The following NAALADL2 variants were observed in gnomAD, a reference collection of about 807,000 sequenced individuals.
NAALADL2 encodes inactive N-acetylated-alpha-linked acidic dipeptidase-like protein 2.
In NAALADL2, 76 loss-of-function variants were observed where a neutral mutation model predicts 87.2. That is an observed-to-expected ratio of 0.87 (90% CI 0.72 to 1.05). The LOEUF is 1.05. Among genes scored for constraint, NAALADL2 ranks in the 50% least tolerant of loss-of-function variants. The probability of loss-of-function intolerance (pLI) is 0.00; values close to 1 mark genes in which losing one functional copy is unlikely to be tolerated. For missense variants in NAALADL2, 1,089 were observed against 945.8 expected, an observed-to-expected ratio of 1.15 and a Z score of -1.99; for synonymous variants, 354 against 331.0, an observed-to-expected ratio of 1.07 and a Z score of -0.75.
At position 174,920,451 on chromosome 3, in the gene NAALADL2, T is replaced by G. The variant is rs146562079; in HGVS notation, c.43+61001T>G. 2.6e-5 allele frequency among the ~76,000 whole-genome samples: 4 copies of G among 152,342 alleles called. No homozygotes were observed. In the East Asian group the frequency reaches 7.7e-4, roughly 29 times the overall value. ...TTTTGTTAAATCTCATGAGCTAACC[T>G]CTACTAGCTTCCAGCTTTTCTTCTG... On this transcript the variant is annotated intron_variant, in intron 1 of 13. Coordinates refer to ENST00000454872, the MANE Select transcript of NAALADL2 (RefSeq NM_207015.3).
chr3:174,657,041 CTTTTTTTTT>C (rs60569510), intron 2 of NAALADL2, among the ~76,000 whole-genome samples: 1 of 115,818 alleles, frequency 8.6e-6, no homozygotes, highest in Non-Finnish European at 1.7e-5. Flanking sequence ...TTTCCTTCTT[CTTTTTTTTT>C]TTTTTTTTTT....
chr3:175,194,125 CAT>C (rs1281981904), intron 2 of NAALADL2, among the ~76,000 whole-genome samples: 1 of 151,770 alleles, frequency 6.6e-6, no homozygotes, highest in Non-Finnish European at 1.5e-5. Flanking sequence ...TTTAATACCT[CAT>C]GTTATAGAAG....
chr3:175,142,310 G>A (rs1359177461), intron 2 of NAALADL2, among the ~76,000 whole-genome samples: 2 of 151,854 alleles, frequency 1.3e-5, no homozygotes, highest in African/African-American at 4.8e-5. Flanking sequence ...ATAATTATGT[G>A]GAACCTTTGA....
chr3:174,536,932 T>A (rs1019671808), intron 1 of NAALADL2, among the ~76,000 whole-genome samples: 1 of 152,194 alleles, frequency 6.6e-6, no homozygotes, highest in African/African-American at 2.4e-5. Flanking sequence ...TTAACAATAA[T>A]GCAAATAACA....
chr3:175,144,473 A>G (rs982478915), intron 2 of NAALADL2, among the ~76,000 whole-genome samples: 2 of 151,994 alleles, frequency 1.3e-5, no homozygotes, highest in Non-Finnish European at 2.9e-5. Context: ...TGATTACAAA[A>G]GTAATACAGT....
intron 10 of NAALADL2, among the ~76,000 whole-genome samples, chr3:175,619,030 C>G (rs1725773367): frequency 6.6e-6 from 1 of 152,070 alleles, no homozygotes; most frequent in South Asian, 2.1e-4. Context: ...CAGACTGAAC[C>G]TTGGAATAGA....
chr3:175,316,428 G>T (rs528431067), intron 4 of NAALADL2, among the ~76,000 whole-genome samples: 1 of 152,222 alleles, frequency 6.6e-6, no homozygotes, highest in Admixed American at 6.5e-5. Context: ...CGTTGAGCAT[G>T]GCAAAGGACC....
intron 4 of NAALADL2, among the ~76,000 whole-genome samples, chr3:175,298,880 G>A (rs1459144560): frequency 7.2e-5 from 11 of 152,024 alleles, no homozygotes; most frequent in Admixed American, 4.6e-4. Flanking sequence ...TTATCCTTTG[G>A]TTAAATCTTT....
chr3:175,684,400 A>G (rs1735995738), intron 11 of NAALADL2, among the ~76,000 whole-genome samples: 1 of 152,204 alleles, frequency 6.6e-6, no homozygotes, highest in Non-Finnish European at 1.5e-5. Flanking sequence ...TTATATTTGT[A>G]AAGTGATCAT....
Position 175,530,142 on chromosome 3 carries a change from G to A in NAALADL2, c.1654-45899G>A, listed in dbSNP as rs568380806. 3.3e-5 allele frequency among the ~76,000 whole-genome samples: 5 copies of A among 152,244 alleles called. No individual in the cohort carries two copies. In the South Asian group the frequency reaches 1.0e-3, roughly 32 times the overall value. On this transcript the variant is annotated intron_variant, in intron 9 of 13. Transcript: ENST00000454872. ...CATGGGCCCATCGGGCGATGACAGG[G>A]GTGGCTGGGGAAAGAGGCTGAGTGG...
chr3:174,503,413 AT>A (rs1311911035), intron 1 of NAALADL2, among the ~76,000 whole-genome samples: 3 of 152,118 alleles, frequency 2.0e-5, no homozygotes, highest in Non-Finnish European at 4.4e-5. Flanking sequence ...CAACACAAAA[AT>A]TTTTTTAAAA....
At chr3:174,929,789 C>T (rs1380235139) in intron 1 of NAALADL2, among the ~76,000 whole-genome samples, 1 of 152,222 alleles carries the variant, frequency 6.6e-6, no homozygotes, top group South Asian at 2.1e-4. Flanking sequence ...AAGTTGGACT[C>T]TTCTCCCTGT....
At chr3:175,210,112 G>T (rs987893718) in intron 2 of NAALADL2, among the ~76,000 whole-genome samples, 22 of 151,796 alleles carry the variant, frequency 1.4e-4, no homozygotes, top group African/African-American at 4.8e-4. Context: ...CTTTCAAACT[G>T]CCAAGAAAAA....
Position 175,524,716 on chromosome 3 carries a change from C to T in NAALADL2, c.1654-51325C>T, listed in dbSNP as rs191184961. Among the ~76,000 whole-genome samples the T allele has an allele frequency of 2.6e-5, 4 of 152,186 alleles. No individual in the cohort carries two copies. The East Asian group carries it at 7.7e-4, about 29-fold the overall frequency. Reference sequence around the variant, plus strand: ...CCAAAAATTTGTAACACTTATTGTGCTAGCAGACACTGAAGATATAAACAT... The same window carrying T: ...CCAAAAATTTGTAACACTTATTGTGTTAGCAGACACTGAAGATATAAACAT... On this transcript the variant is annotated intron_variant, in intron 9 of 13. Coordinates refer to ENST00000454872, the MANE Select transcript of NAALADL2 (RefSeq NM_207015.3).
At chr3:175,603,543 A>T (rs1390696259) in intron 10 of NAALADL2, among the ~76,000 whole-genome samples, 1 of 152,126 alleles carries the variant, frequency 6.6e-6, no homozygotes, top group Non-Finnish European at 1.5e-5. Flanking sequence ...TATTCCAGGT[A>T]CCTCATGTAA....
intron 11 of NAALADL2, among the ~76,000 whole-genome samples, chr3:175,630,325 T>C (rs1727584950): frequency 6.6e-6 from 1 of 151,840 alleles, no homozygotes; most frequent in Non-Finnish European, 1.5e-5. Flanking sequence ...TGTTATTCTC[T>C]TTAGTAGAAC....
chr3:175,650,519 A>T (rs182599746), intron 11 of NAALADL2, among the ~76,000 whole-genome samples: 36 of 152,312 alleles, frequency 2.4e-4, no homozygotes, highest in Non-Finnish European at 8.8e-5. Context: ...AAGCTTTAAA[A>T]ATACTAACAC....
At chr3:174,736,299 G>T (rs1733192895) in intron 2 of NAALADL2, among the ~76,000 whole-genome samples, 1 of 152,166 alleles carries the variant, frequency 6.6e-6, no homozygotes, top group Admixed American at 6.5e-5. Context: ...CTGCCATTCA[G>T]TGGGTCCTGA....
Position 175,696,515 on chromosome 3 carries a change from A to G in NAALADL2, c.1897-40791A>G, listed in dbSNP as rs544819296. ...GGAAATATTAAGTGATCAAAAGTCC[A>G]GAGATGCAAACACTTTTTTTTCATG... On this transcript the variant is annotated intron_variant, in intron 11 of 13. Coordinates refer to ENST00000454872, the MANE Select transcript of NAALADL2 (RefSeq NM_207015.3). 9.9e-5 allele frequency among the ~76,000 whole-genome samples: 15 copies of G among 152,248 alleles called. No homozygotes were observed. In the East Asian group the frequency reaches 1.6e-3, roughly 16 times the overall value.
Sources: gnomAD v4.1 joint callset for allele counts (sites outside exome capture counted in the v4.1 genomes callset) on GRCh38, gnomAD v4.1.1 for gene constraint, MANE v1.5 for transcripts, NCBI Gene and HGNC (gene_info 2026-07-23, HGNC 2026-07-21) for gene names.